The following DOCK9 variants were observed in gnomAD, a reference collection of about 807,000 sequenced individuals.
The protein encoded by DOCK9 is dedicator of cytokinesis 9.
Under a neutral mutation model 263.3 loss-of-function variants are expected in DOCK9, and 89 were observed. That is an observed-to-expected ratio of 0.34 (90% CI 0.28 to 0.40). The LOEUF is 0.40. DOCK9 is among the 10% of genes least tolerant of loss of function. The probability of loss-of-function intolerance (pLI) is 1.00; values close to 1 mark genes in which losing one functional copy is unlikely to be tolerated. For synonymous variants in DOCK9, 976 were observed against 973.1 expected (o/e 1.00, Z -0.06); for missense variants, 2,140 against 2,603.4 (o/e 0.82, Z 3.87).
intron 1 of DOCK9, among the ~76,000 whole-genome samples, chr13:99,041,480 CA>C (rs11411001): frequency 0.03 from 4,106 of 137,174 alleles, 83 homozygotes; most frequent in South Asian, 0.05. Context: ...AAGACTGTCT[CA>C]AAAAAAAAAA....
At chr13:98,810,748 C>T (rs1478195056) in intron 45 of DOCK9, among the ~76,000 whole-genome samples, 1 of 152,152 alleles carries the variant, frequency 6.6e-6, no homozygotes, top group African/African-American at 2.4e-5. Context: ...GGGCACCGTG[C>T]CTGCTTCACC....
At chr13:98,983,931 T>G (rs1877848081) in intron 1 of DOCK9, among the ~76,000 whole-genome samples, 1 of 152,160 alleles carries the variant, frequency 6.6e-6, no homozygotes, top group African/African-American at 2.4e-5. Context: ...CAATTATTTT[T>G]TATCATTACA....
At chr13:98,947,307 C>A (rs530864361) in intron 2 of DOCK9, among the ~76,000 whole-genome samples, 1 of 151,920 alleles carries the variant, frequency 6.6e-6, no homozygotes, top group East Asian at 1.9e-4. Context: ...TTTCACAAGT[C>A]GTTTAAGAAT....
In DOCK9 at chr13:98,845,932, A is replaced by G; in HGVS notation, c.4190T>C (p.Phe1397Ser). The change falls in exon 38 of 53, where the codon TTT becomes TCT. Residue 1397 changes from phenylalanine (F) to serine (S), a missense_variant. Phe to Ser is a radical substitution (Grantham distance 155). Transcript: ENST00000682017. ...QLGSLDNSLT[F>S]NHSYGHSDAD... The stretch of plus-strand genomic sequence containing the variant: ...CATGTCATGGGACTTACTGTGGTTA[A>G]AAGTGAGAGAGTTATCCAGGCTGCC... 6.2e-7 allele frequency: 1 copy of G among 1,613,512 alleles called. No individual in the cohort carries two copies. Among genetic ancestry groups the G allele is most frequent in the Non-Finnish European group, 8.5e-7 (1 of 1,179,736 alleles).
intron 1 of DOCK9, among the ~76,000 whole-genome samples, chr13:99,054,374 T>C (rs995407516): frequency 6.6e-6 from 1 of 152,176 alleles, no homozygotes; most frequent in Non-Finnish European, 1.5e-5. Context: ...TAGACCAACA[T>C]AGCCTCACCC....
chr13:98,998,883 G>A (rs1252658814), intron 1 of DOCK9, among the ~76,000 whole-genome samples: 2 of 152,158 alleles, frequency 1.3e-5, no homozygotes, highest in Admixed American at 1.3e-4. Context: ...TTGGGCTACT[G>A]TCAAAATTAG....
At chr13:98,906,129 G>A (rs1038183325) in intron 9 of DOCK9, among the ~76,000 whole-genome samples, 2 of 152,024 alleles carry the variant, frequency 1.3e-5, no homozygotes, top group African/African-American at 4.8e-5. Flanking sequence ...AGAGATGCCT[G>A]TGGAATTTCC....
chr13:98,865,011 C>T (rs2093981890), intron 30 of DOCK9, among the ~76,000 whole-genome samples: 1 of 152,192 alleles, frequency 6.6e-6, no homozygotes, highest in African/African-American at 2.4e-5. Flanking sequence ...ATGTTGGCGC[C>T]ATGCTTCTTG....
rs893557872 is a variant in DOCK9, at chr13:98,794,209, A to T, written c.*417T>A. ...AACCTGAATGTGCCACAGGAAAAAA[A>T]AAATATTTTCAAGATTTTCCAGCTC... On this transcript the variant is annotated 3_prime_UTR_variant, in exon 53 of 53. Transcript: ENST00000682017. 6.1e-6 allele frequency: 1 copy of T among 162,932 alleles called. No individual in the cohort carries two copies. Among genetic ancestry groups the T allele is most frequent in the African/African-American group, 2.4e-5 (1 of 41,922 alleles). The allele number at this position is 162,932 out of a possible 1,614,324, so 10.1% of individuals were successfully genotyped here.
chr13:99,072,304 G>A (rs1445915845), intron 1 of DOCK9, among the ~76,000 whole-genome samples: 1 of 152,080 alleles, frequency 6.6e-6, no homozygotes, highest in Non-Finnish European at 1.5e-5. Flanking sequence ...GAGCCTTAAA[G>A]GTCCTTATGG....
At chr13:99,060,562 G>A (rs756169604) in intron 1 of DOCK9, among the ~76,000 whole-genome samples, 7 of 152,270 alleles carry the variant, frequency 4.6e-5, no homozygotes, top group Non-Finnish European at 8.8e-5. Context: ...TTTTCCAAGT[G>A]CCTGCACCAT....
At chr13:99,078,840 T>C (rs1242521075) in intron 1 of DOCK9, among the ~76,000 whole-genome samples, 1 of 152,120 alleles carries the variant, frequency 6.6e-6, no homozygotes, top group African/African-American at 2.4e-5. Flanking sequence ...ACCAAAGTGA[T>C]AAAAGTAATA....
At chr13:99,074,271 T>C (rs1289145930) in intron 1 of DOCK9, among the ~76,000 whole-genome samples, 1 of 152,270 alleles carries the variant, frequency 6.6e-6, no homozygotes, top group African/African-American at 2.4e-5. Context: ...AATTCAACTA[T>C]TTCTTGTAAT....
At chr13:98,994,783 C>G (rs970900033) in intron 1 of DOCK9, among the ~76,000 whole-genome samples, 1 of 152,060 alleles carries the variant, frequency 6.6e-6, no homozygotes, top group Non-Finnish European at 1.5e-5. Flanking sequence ...CTTCCCCTTT[C>G]TTTCCATACA....
At chr13:98,857,229 C>G (rs564325221) in intron 33 of DOCK9, 2 of 152,242 alleles carry the variant, frequency 1.3e-5, no homozygotes. Context: ...CAGACGCAAG[C>G]TGAAGATGCC....
At chr13:98,983,609 TTA>T (rs1381998614) in intron 1 of DOCK9, among the ~76,000 whole-genome samples, 2 of 137,010 alleles carry the variant, frequency 1.5e-5, no homozygotes, top group Non-Finnish European at 3.2e-5. Context: ...CCCTCCTCAA[TTA>T]TTATTATTAT....
intron 27 of DOCK9, 120 bp from the exon 28 acceptor site, chr13:98,868,497 C>T: frequency 8.5e-7 from 1 of 1,175,612 alleles, no homozygotes; most frequent in Non-Finnish European, 1.2e-6. Context: ...GGTGCTGTGG[C>T]TCACACTTGT....
chr13:99,071,561 T>A (rs2041680370), intron 1 of DOCK9, among the ~76,000 whole-genome samples: 2 of 151,892 alleles, frequency 1.3e-5, no homozygotes, highest in South Asian at 4.2e-4. Context: ...GTCTTCATAG[T>A]GAGTAGGCTA....
intron 26 of DOCK9, 130 bp downstream of exon 26, chr13:98,880,417 A>G (rs1376901220): frequency 8.3e-7 from 1 of 1,200,494 alleles, no homozygotes; most frequent in Non-Finnish European, 1.2e-6. Context: ...TTGGTATCAG[A>G]GAACACTACC....
Sources: allele counts gnomAD v4.1 joint callset (sites outside exome capture counted in the v4.1 genomes callset), GRCh38; gene constraint gnomAD v4.1.1; transcripts MANE v1.5; gene names NCBI Gene and HGNC (gene_info 2026-07-23, HGNC 2026-07-21).